Variants in OCIAD1 observed in about 807,000 individuals in gnomAD.
OCIAD1 encodes OCIA domain containing 1.
A neutral mutation model predicts 38.9 loss-of-function variants in OCIAD1; 29 were observed. The ratio of observed to expected loss-of-function variants is 0.74; its 90% confidence interval spans 0.55 to 1.02. OCIAD1 has a LOEUF of 1.02. Ranked by LOEUF, OCIAD1 falls within the 50% of genes least tolerant of loss-of-function variation. OCIAD1 has a pLI of 0.00. For synonymous variants in OCIAD1, 110 were observed against 92.0 expected, an observed-to-expected ratio of 1.20 and a Z score of -1.12; for missense variants, 288 against 289.6, an observed-to-expected ratio of 0.99 and a Z score of 0.04.
intron 1 of OCIAD1, chr4:48,831,549 GC>G (rs1777501138): frequency 7.7e-7 from 1 of 1,290,450 alleles, no homozygotes; most frequent in Admixed American, 2.3e-5. Context: ...GCGGTTGTAG[GC>G]CGCTTAGGCT....
At chr4:48,844,693 T>A (rs1560428965) in intron 4 of OCIAD1, among the ~76,000 whole-genome samples, 1 of 152,114 alleles carries the variant, frequency 6.6e-6, no homozygotes, top group Non-Finnish European at 1.5e-5. Flanking sequence ...TTAATCAAAA[T>A]CCCTGACATT....
At chr4:48,813,275 T>C (rs1326653178) in intron 1 of OCIAD1, among the ~76,000 whole-genome samples, 4 of 152,268 alleles carry the variant, frequency 2.6e-5, no homozygotes, top group Admixed American at 6.5e-5. Context: ...GGGTTCCCTT[T>C]ACTTGTAAGA....
chr4:48,820,352 A>G (rs1022279081), intron 1 of OCIAD1, among the ~76,000 whole-genome samples: 2 of 152,206 alleles, frequency 1.3e-5, no homozygotes, highest in Non-Finnish European at 2.9e-5. Context: ...TTTGAAACCA[A>G]TGAGGACAAA....
chr4:48,843,650 A>G (rs1450207931), intron 4 of OCIAD1, among the ~76,000 whole-genome samples: 1 of 152,190 alleles, frequency 6.6e-6, no homozygotes, highest in Non-Finnish European at 1.5e-5. Flanking sequence ...AGATGTATGC[A>G]CTTATATGTC....
chr4:48,806,223 C>T (rs1345935401), intron 1 of OCIAD1, among the ~76,000 whole-genome samples: 10 of 151,764 alleles, frequency 6.6e-5, no homozygotes, highest in African/African-American at 1.5e-4. Flanking sequence ...GCCGAGATCA[C>T]GCCCCTGTGC....
chr4:48,852,876 T>TTTTGTTTTTTG (rs1779623515), intron 7 of OCIAD1, among the ~76,000 whole-genome samples: 1 of 136,726 alleles, frequency 7.3e-6, no homozygotes, highest in Non-Finnish European at 1.5e-5. Context: ...TTTTTTTTTG[T>TTTTGTTTTTTG]TTTTTGTTTT....
upstream of OCIAD1, among the ~76,000 whole-genome samples, chr4:48,828,510 G>A (rs146428937): frequency 3.9e-3 from 595 of 152,280 alleles, 12 homozygotes; most frequent in Admixed American, 0.027. Context: ...TCTTGCTGCT[G>A]CTCACTCTTT....
chr4:48,830,021 G>GT (rs1330069871), upstream of OCIAD1, among the ~76,000 whole-genome samples: 1 of 152,174 alleles, frequency 6.6e-6, no homozygotes, highest in Non-Finnish European at 1.5e-5. Flanking sequence ...TTGAAATATC[G>GT]TTAGAATTGA....
intron 1 of OCIAD1, among the ~76,000 whole-genome samples, chr4:48,822,832 A>G (rs989996882): frequency 3.0e-4 from 45 of 152,378 alleles, no homozygotes; most frequent in African/African-American, 9.9e-4. Context: ...AATGAAAACC[A>G]CAATGAGATA....
chr4:48,832,783 G>A (rs1777631439), intron 2 of OCIAD1, 101 bp downstream of exon 2: 12 of 815,300 alleles, frequency 1.5e-5, no homozygotes, highest in African/African-American at 3.4e-5. Flanking sequence ...TCATGGGCAT[G>A]TGCAGACAGC....
Position 48,851,939 on chromosome 4 carries a change from T to A in OCIAD1, c.511T>A (p.Ser171Thr), listed in dbSNP as rs762227940. ...TCCATTCAGTTCTTCTATGAATGAA[T>A]CTGCTCCCACTGGTATTACTGATCA... ...PIPFSSSMNE[S>T]APTGITDHIV... Residue 171 changes from serine (S) to threonine (T), a missense_variant, in exon 7 of 9, where the codon TCT becomes ACT. By Grantham distance (58) the Ser-to-Thr change is moderately conservative. Coordinates refer to ENST00000264312, the MANE Select transcript of OCIAD1 (RefSeq NM_017830.4). 1 of 1,608,598 alleles carries A rather than the reference T, an allele frequency of 6.2e-7. No homozygotes were observed. The highest frequency in any genetic ancestry group is 8.5e-7 in the Non-Finnish European group (1 of 1,175,486).
chr4:48,824,530 A>G (rs1190423358), intron 1 of OCIAD1, among the ~76,000 whole-genome samples: 1 of 151,830 alleles, frequency 6.6e-6, no homozygotes, highest in Non-Finnish European at 1.5e-5. Context: ...ACAGGCATGC[A>G]CTAGCACACC....
chr4:48,811,711 A>G (rs1205460956), intron 1 of OCIAD1, among the ~76,000 whole-genome samples: 2 of 152,212 alleles, frequency 1.3e-5, no homozygotes. Context: ...TTGAAGATAA[A>G]TCCAATAGGA....
upstream of OCIAD1, among the ~76,000 whole-genome samples, chr4:48,829,092 T>G (rs1268749528): frequency 6.6e-6 from 1 of 152,146 alleles, no homozygotes; most frequent in Non-Finnish European, 1.5e-5. Flanking sequence ...AAACTCTGTC[T>G]CTTCTACAAA....
At chr4:48,814,237 G>T (rs1390106307) in intron 1 of OCIAD1, among the ~76,000 whole-genome samples, 1 of 151,390 alleles carries the variant, frequency 6.6e-6, no homozygotes, top group Non-Finnish European at 1.5e-5. Flanking sequence ...TCCTGTGGAG[G>T]GGTTTTTTTT....
chr4:48,826,856 C>T (rs1387455215), upstream of OCIAD1, among the ~76,000 whole-genome samples: 1 of 152,214 alleles, frequency 6.6e-6, no homozygotes, highest in East Asian at 1.9e-4. Flanking sequence ...TCTCCAATCA[C>T]TCTTTTCTCA....
At position 48,818,464 on chromosome 4, in the gene OCIAD1, G is replaced by A. The variant is rs1333421423; in HGVS notation, c.-102-12113G>A. 3.3e-5 allele frequency among the ~76,000 whole-genome samples: 5 copies of A among 152,166 alleles called. No individual in the cohort carries two copies. In the East Asian group the frequency reaches 9.6e-4, roughly 29 times the overall value. ...AAGGTAGATAAATCCACGAAGATGAGGAAAAAGCAGTGCAAAAATGCAGGA... is the reference window on the plus strand; with the variant it reads ...AAGGTAGATAAATCCACGAAGATGAAGAAAAAGCAGTGCAAAAATGCAGGA... On this transcript the variant is annotated intron_variant, in intron 1 of 6. Coordinates refer to the OCIAD1 transcript ENST00000504654.
rs1379654422 is a variant in OCIAD1 at position 48,835,522 on chromosome 4, A to G, written c.139+2041A>G. Among the ~76,000 whole-genome samples the G allele has an allele frequency of 3.3e-5, 5 of 152,290 alleles. No homozygotes were observed. In the East Asian group the frequency reaches 7.7e-4, roughly 24 times the overall value. ...AAGACCTTTATTTGTTAAGCAAACA[A>G]TACTTTAACAACTTTATAATAGTAC... On this transcript the variant is annotated intron_variant, in intron 3 of 8. Transcript: ENST00000264312.
At position 48,851,265 on chromosome 4, in the gene OCIAD1, A is replaced by G. The variant is rs1198984731; in HGVS notation, c.378-541A>G. 2.0e-5 allele frequency among the ~76,000 whole-genome samples: 3 copies of G among 152,378 alleles called. No homozygotes were observed. In the South Asian group the frequency reaches 6.2e-4, roughly 32 times the overall value. Reference sequence around the variant, plus strand: ...AAAATTATCTTGAAAGGCTGGGTATACATTTCCTATTTTTCTATACTGACA... The same window carrying G: ...AAAATTATCTTGAAAGGCTGGGTATGCATTTCCTATTTTTCTATACTGACA... On this transcript the variant is annotated intron_variant, in intron 6 of 8. Coordinates refer to ENST00000264312, the MANE Select transcript of OCIAD1 (RefSeq NM_017830.4).
Sources: allele counts gnomAD v4.1 joint callset (sites outside exome capture counted in the v4.1 genomes callset), GRCh38; gene constraint gnomAD v4.1.1; transcripts MANE v1.5; gene names NCBI Gene and HGNC (gene_info 2026-07-23, HGNC 2026-07-21).